PKHD1L1: variants seen among roughly 807,000 people sequenced by gnomAD.
PKHD1L1 encodes the protein PKHD1 like 1.
Under a neutral mutation model 462.9 loss-of-function variants are expected in PKHD1L1, and 434 were observed. That is an observed-to-expected ratio of 0.94 (90% CI 0.87 to 1.02). PKHD1L1 has a LOEUF of 1.02. Among genes scored for constraint, PKHD1L1 ranks in the 50% least tolerant of loss-of-function variants. The pLI is 0.00. For synonymous variants in PKHD1L1, 1,781 were observed against 1,750.0 expected, an observed-to-expected ratio of 1.02 and a Z score of -0.44; for missense variants, 5,202 against 5,096.1, an observed-to-expected ratio of 1.02 and a Z score of -0.63.
chr8:109,414,140 G>A (rs1271705062), intron 21 of PKHD1L1, among the ~76,000 whole-genome samples: 2 of 151,880 alleles, frequency 1.3e-5, no homozygotes, highest in African/African-American at 4.8e-5. Context: ...ATTTATGTCA[G>A]TTGTGACTGC....
chr8:109,426,036 T>A (rs895812717), intron 24 of PKHD1L1, among the ~76,000 whole-genome samples: 1 of 152,164 alleles, frequency 6.6e-6, no homozygotes, highest in Non-Finnish European at 1.5e-5. Context: ...GTACTCCTTT[T>A]TAGTAGTATT....
In PKHD1L1 at chr8:109,464,405, G is replaced by A; in HGVS notation, c.7573G>A (p.Ala2525Thr). The A allele has an allele frequency of 1.2e-6, 2 of 1,613,434 alleles. No homozygotes were observed. The highest frequency in any genetic ancestry group is 8.5e-7 in the Non-Finnish European group (1 of 1,179,656). The change falls in exon 49 of 78, where the codon GCA (alanine) becomes ACA (threonine). Residue 2525 changes from alanine (A) to threonine (T), a missense_variant. Ala to Thr is a moderately conservative substitution (Grantham distance 58). Around this residue, in one of 3 missense-constraint regions of PKHD1L1, gnomAD observed 4,497 missense variants for 4,336.8 expected, o/e 1.04. Coordinates refer to ENST00000378402, the MANE Select transcript of PKHD1L1 (RefSeq NM_177531.6). ...TATTATATATGATATTAAGGGAGGAGCATTTTTTATAGAAGATGGTATTGA... is the reference window on the plus strand; with the variant it reads ...TATTATATATGATATTAAGGGAGGAACATTTTTTATAGAAGATGGTATTGA... ...RNIIYDIKGGAFFIEDGIEHG... is the reference protein window; with the variant it reads ...RNIIYDIKGGTFFIEDGIEHG...
chr8:109,438,883 T>A lies in PKHD1L1; in HGVS notation c.3761-14T>A. ...TGAACTTTTTGCATTATTTTTTAAA[T>A]TTTAAAATACCAGGAGAAGTTAATT... On this transcript the variant is annotated splice_polypyrimidine_tract_variant and intron_variant, in intron 31 of 77. Coordinates refer to ENST00000378402, the MANE Select transcript of PKHD1L1 (RefSeq NM_177531.6). The A allele has an allele frequency of 6.5e-7, 1 of 1,545,552 alleles. No homozygotes were observed. Among genetic ancestry groups the A allele is most frequent in the Non-Finnish European group, 8.7e-7 (1 of 1,144,124 alleles).
In PKHD1L1 at chr8:109,493,576, A is replaced by G. The variant is rs1484838837; in HGVS notation, c.10237-85A>G. 3 of 705,232 alleles carry G rather than the reference A, an allele frequency of 4.3e-6. No homozygotes were observed. The African/African-American group carries it at 5.6e-5, about 13-fold the overall frequency. The allele number at this position is 705,232 out of a possible 1,614,324, so 43.7% of individuals were successfully genotyped here. On this transcript the variant is annotated intron_variant, in intron 62 of 77. Transcript: ENST00000378402. ...TGTAGTCATAATTAAAGGTTTTCATAAGTGTATTGTCATATACTTACTCTC... is the reference window on the plus strand; with the variant it reads ...TGTAGTCATAATTAAAGGTTTTCATGAGTGTATTGTCATATACTTACTCTC...
At chr8:109,412,994 C>G (rs1203519746) in intron 20 of PKHD1L1, among the ~76,000 whole-genome samples, 1 of 152,074 alleles carries the variant, frequency 6.6e-6, no homozygotes, top group Non-Finnish European at 1.5e-5. Flanking sequence ...TACTATTTTA[C>G]AGTGACATTC....
rs1818796860 is a variant in PKHD1L1 at position 109,491,013 on chromosome 8, T to A, written c.10026T>A (p.Phe3342Leu). Residue 3342 changes from phenylalanine to leucine, a missense_variant, in exon 61 of 78, where the codon TTT (phenylalanine) becomes TTA (leucine). Physicochemically the swap from Phe to Leu is conservative, Grantham distance 22. Around this residue, in one of 3 missense-constraint regions of PKHD1L1, gnomAD observed 4,497 missense variants for 4,336.8 expected, o/e 1.04. Coordinates refer to ENST00000378402, the MANE Select transcript of PKHD1L1 (RefSeq NM_177531.6). ...CATCTTATATTCGAGGCTGTGCTTT[T>A]CACCATGGCTTCTCTCCAGCAATTG... is the stretch of plus-strand genomic sequence containing the variant. Reference protein sequence around the residue: ...HGSSYIRGCAFHHGFSPAIGV... With the variant: ...HGSSYIRGCALHHGFSPAIGV... 6.2e-7 allele frequency: 1 copy of A among 1,609,706 alleles called. No individual in the cohort carries two copies. The highest frequency in any genetic ancestry group is 1.7e-4 in the Middle Eastern group (1 of 6,036).
chr8:109,491,000 G>A lies in PKHD1L1; in HGVS notation c.10013G>A (p.Arg3338Gln), dbSNP rs373637495. The A allele has an allele frequency of 9.2e-5, 148 of 1,607,834 alleles. No individual in the cohort carries two copies. Among genetic ancestry groups the A allele is most frequent in the Non-Finnish European group, 1.2e-4 (144 of 1,175,772 alleles). The change falls in exon 61 of 78, where the codon CGA becomes CAA. Residue 3338 changes from arginine (R) to glutamine (Q), a missense_variant. This residue lies in a region of PKHD1L1 where 4,497 missense variants were observed against 4,336.8 expected (regional missense o/e 1.04). Transcript: ENST00000378402. ...CAAGAACATGGCTCATCTTATATTC[G>A]AGGCTGTGCTTTTCACCATGGCTTC... is the stretch of plus-strand genomic sequence containing the variant. The part of the protein sequence containing the change: ...QIQEHGSSYI[R>Q]GCAFHHGFSP...
rs60902563 is a variant in PKHD1L1 at position 109,364,646 on chromosome 8, CTTTTTTTTT to C, written c.163+20_163+28del. On this transcript the variant is annotated intron_variant, in intron 2 of 77. Transcript: ENST00000378402. The stretch of plus-strand genomic sequence containing the variant: ...ACTATAAGAGGGGAAGGTATCGTTG[CTTTTTTTTT>C]TTTTTTTTTGCCAAGGTTGAGGTAT... The C allele has an allele frequency of 2.9e-6, 3 of 1,029,380 alleles. No homozygotes were observed. The highest frequency in any genetic ancestry group is 3.4e-5 in the Admixed American group (1 of 29,626). 63.8% of individuals were successfully genotyped at this position (1,029,380 alleles called of 1,614,324 possible).
chr8:109,515,177 T>C lies in PKHD1L1; in HGVS notation c.11561T>C (p.Leu3854Pro), dbSNP rs755343627. Residue 3854 changes from leucine to proline, a missense_variant, in exon 72 of 78, where the codon CTA (leucine) becomes CCA (proline). Around this residue, in one of 3 missense-constraint regions of PKHD1L1, gnomAD observed 698 missense variants for 736.3 expected, o/e 0.95. Transcript: ENST00000378402. Reference sequence around the variant, plus strand: ...CTTTTTTTTCTTTAATAGGCTGTTCTAGTAGGAATTTTCTTTTCCACACTT... The same window carrying C: ...CTTTTTTTTCTTTAATAGGCTGTTCCAGTAGGAATTTTCTTTTCCACACTT... ...LLNVDHNKAV[L>P]VGIFFSTLQR... is the part of the protein sequence containing the mutation. The C allele has an allele frequency of 6.3e-7, 1 of 1,587,858 alleles. No individual in the cohort carries two copies.
chr8:109,459,501 C>G, intron 46 of PKHD1L1, 94 bp from the exon 47 acceptor site: 1 of 930,284 alleles, frequency 1.1e-6, no homozygotes, highest in South Asian at 2.6e-5. Flanking sequence ...TCCTATTTTG[C>G]AGAGTATTTA....
intron 59 of PKHD1L1, 110 bp downstream of exon 59, chr8:109,486,931 T>C: frequency 8.4e-7 from 1 of 1,191,812 alleles, no homozygotes; most frequent in South Asian, 1.6e-5. Flanking sequence ...TGTGGGAAAA[T>C]AAAGCATTAA....
intron 31 of PKHD1L1, 55 bp from the exon 32 acceptor site, chr8:109,438,842 A>C: frequency 7.8e-7 from 1 of 1,288,102 alleles, no homozygotes; most frequent in Non-Finnish European, 1.1e-6. Flanking sequence ...TGCAAATTTC[A>C]CACTGGATAA....
At chr8:109,495,211 T>C (rs1249673416) in intron 63 of PKHD1L1, among the ~76,000 whole-genome samples, 2 of 152,062 alleles carry the variant, frequency 1.3e-5, no homozygotes, top group Non-Finnish European at 1.5e-5. Flanking sequence ...CCTTGATATA[T>C]GCTCTTGTTA....
intron 1 of PKHD1L1, among the ~76,000 whole-genome samples, chr8:109,363,233 C>G (rs1052167189): frequency 6.6e-6 from 1 of 152,172 alleles, no homozygotes; most frequent in Non-Finnish European, 1.5e-5. Context: ...AGGCGAGGAG[C>G]AGCACTGTCT....
chr8:109,496,090 C>T (rs1456874656), intron 63 of PKHD1L1, among the ~76,000 whole-genome samples: 1 of 152,042 alleles, frequency 6.6e-6, no homozygotes, highest in Admixed American at 6.6e-5. Flanking sequence ...AACAACTTTC[C>T]CAAGATAATG....
chr8:109,380,664 C>T (rs1333726167), intron 2 of PKHD1L1, among the ~76,000 whole-genome samples: 2 of 152,214 alleles, frequency 1.3e-5, no homozygotes, highest in Non-Finnish European at 2.9e-5. Context: ...TTTGGAAAGA[C>T]ATGCTATATT....
chr8:109,471,536 T>C (rs544970820), intron 50 of PKHD1L1, among the ~76,000 whole-genome samples: 20 of 152,330 alleles, frequency 1.3e-4, no homozygotes, highest in African/African-American at 4.6e-4. Context: ...TTTCATACTG[T>C]ACACATTTCT....
At chr8:109,455,777 T>C (rs1359113013) in intron 45 of PKHD1L1, among the ~76,000 whole-genome samples, 1 of 152,190 alleles carries the variant, frequency 6.6e-6, no homozygotes, top group Non-Finnish European at 1.5e-5. Flanking sequence ...TGCAATAATC[T>C]ATCCCCTTTA....
rs777237338 is a variant in PKHD1L1, at chr8:109,486,639, A to T, written c.9707-9A>T. On this transcript the variant is annotated splice_polypyrimidine_tract_variant and intron_variant, in intron 58 of 77. Transcript: ENST00000378402. ...CATTGGCAATAATCTAGCTGCCTTTATACTGCAGCTGAAAAATACCATGTC... is the reference window on the plus strand; with the variant it reads ...CATTGGCAATAATCTAGCTGCCTTTTTACTGCAGCTGAAAAATACCATGTC... The T allele has an allele frequency of 1.2e-6, 2 of 1,609,824 alleles. No homozygotes were observed. Among genetic ancestry groups the T allele is most frequent in the East Asian group, 4.5e-5 (2 of 44,808 alleles).
Sources: allele counts gnomAD v4.1 joint callset (sites outside exome capture counted in the v4.1 genomes callset), GRCh38; gene constraint gnomAD v4.1.1; regional missense constraint gnomAD v4.1.1; transcripts MANE v1.5; gene names NCBI Gene and HGNC (gene_info 2026-07-23, HGNC 2026-07-21).